The following RAI1 variants were observed in gnomAD, a reference collection of about 807,000 sequenced individuals.
RAI1 encodes the protein retinoic acid-induced protein 1.
RAI1 carries 9 observed loss-of-function variants against 123.8 expected under a neutral mutation model. That is an observed-to-expected ratio of 0.07 (90% CI 0.04 to 0.13). RAI1 has a LOEUF of 0.13. Ranked by LOEUF, RAI1 falls within the 10% of genes least tolerant of loss-of-function variation. The pLI is 1.00. For synonymous variants in RAI1, 1,231 were observed against 1,127.3 expected, an observed-to-expected ratio of 1.09 and a Z score of -1.84; for missense variants, 2,256 against 2,545.8, an observed-to-expected ratio of 0.89 and a Z score of 2.45.
intron 2 of RAI1, among the ~76,000 whole-genome samples, chr17:17,733,477 C>T (rs1916332647): frequency 6.6e-6 from 1 of 152,184 alleles, no homozygotes; most frequent in Non-Finnish European, 1.5e-5. Context: ...TAAGATGATT[C>T]ATTCATTCCA....
rs1914590827 is a variant in RAI1 at position 17,685,289 on chromosome 17, A to C, written c.-149+3496A>C. Among the ~76,000 whole-genome samples the C allele has an allele frequency of 2.0e-5, 3 of 152,354 alleles. 1 individual carries two copies. In the South Asian group the frequency reaches 6.2e-4, roughly 32 times the overall value. On this transcript the variant is annotated intron_variant, in intron 1 of 5. Transcript: ENST00000353383. The surrounding 1 kb of genome is among the most constrained non-coding windows in gnomAD (Gnocchi z 4.0). Reference sequence around the variant, plus strand: ...GATTTTCCAAGGACCCACTGTTTCCAAAGTTCTGTGCTTAATGTCGGGGTC... The same window carrying C: ...GATTTTCCAAGGACCCACTGTTTCCCAAGTTCTGTGCTTAATGTCGGGGTC...
intron 2 of RAI1, among the ~76,000 whole-genome samples, chr17:17,729,054 T>C (rs1186555493): frequency 2.0e-5 from 3 of 152,168 alleles, no homozygotes; most frequent in Non-Finnish European, 4.4e-5. Flanking sequence ...GGAGCAGCCT[T>C]GGGCTGACTC....
At position 17,794,436 on chromosome 17, in the gene RAI1, G is replaced by C. The variant is rs727504116; in HGVS notation, c.1488G>C (p.Pro496=). Residue 496 remains proline, a synonymous_variant, in exon 3 of 6, where the codon CCG becomes CCC. Transcript: ENST00000353383. ...ACTCAGCCGAGCCCGCAGGCACACC[G>C]CTGTCAGAGCCGCCGAGCAGCACGC... The part of the protein sequence containing the change: ...SGYSAEPAGT[P]LSEPPSSTPQ... The C allele has an allele frequency of 6.2e-7, 1 of 1,612,848 alleles. No homozygotes were observed. The highest frequency in any genetic ancestry group is 2.2e-5 in the East Asian group (1 of 44,880).
rs2032211556 is a variant in RAI1, at chr17:17,795,695, C to T, written c.2747C>T (p.Ser916Phe). 6.2e-7 allele frequency: 1 copy of T among 1,613,210 alleles called. No individual in the cohort carries two copies. The highest frequency in any genetic ancestry group is 1.7e-5 in the Admixed American group (1 of 60,002). The change falls in exon 3 of 6, where the codon TCT (serine) becomes TTT (phenylalanine). Residue 916 changes from serine to phenylalanine, a missense_variant. Ser to Phe is a radical substitution (Grantham distance 155). This residue lies in a region of RAI1 where 566 missense variants were observed against 616.0 expected (regional missense o/e 0.92). Coordinates refer to ENST00000353383, the MANE Select transcript of RAI1 (RefSeq NM_030665.4). The surrounding 1 kb of genome is among the most constrained non-coding windows in gnomAD (Gnocchi z 5.9). Reference protein sequence around the residue: ...EVLDSKAGWGSPCHLSGESVI... With the variant: ...EVLDSKAGWGFPCHLSGESVI... ...CTGGACTCCAAGGCCGGCTGGGGCT[C>T]TCCGTGCCACCTCTCAGGGGAGTCC...
At chr17:17,695,807 C>T (rs935064571) in intron 1 of RAI1, among the ~76,000 whole-genome samples, 1 of 152,180 alleles carries the variant, frequency 6.6e-6, no homozygotes, top group Admixed American at 6.5e-5. Context: ...CAGGTGTGAG[C>T]CACTATGCCC....
At chr17:17,807,954 C>A (rs2032627250) in intron 4 of RAI1, among the ~76,000 whole-genome samples, 1 of 152,206 alleles carries the variant, frequency 6.6e-6, no homozygotes, top group Non-Finnish European at 1.5e-5. Flanking sequence ...AGGCCTGCTA[C>A]CACCCAGCCC....
chr17:17,706,065 G>T (rs1323664663), intron 1 of RAI1, among the ~76,000 whole-genome samples: 3 of 142,338 alleles, frequency 2.1e-5, no homozygotes, highest in African/African-American at 7.8e-5. Flanking sequence ...AAAACCAAAC[G>T]CCACTTGACC....
Position 17,714,659 on chromosome 17 carries a change from C to T in RAI1, c.-148-9369C>T, listed in dbSNP as rs940717292. Among the ~76,000 whole-genome samples the T allele has an allele frequency of 6.6e-6, 1 of 152,324 alleles. No individual in the cohort carries two copies. The highest frequency in any genetic ancestry group is 1.9e-4 in the East Asian group (1 of 5,186). On this transcript the variant is annotated intron_variant, in intron 1 of 5. Coordinates refer to ENST00000353383, the MANE Select transcript of RAI1 (RefSeq NM_030665.4). This position sits in a 1 kb window ranked among gnomAD's most constrained non-coding sequence, Gnocchi z 4.9. ...CGGGAAGCAGCTGGGTGCGAGCCTCCTGGCACACATTGTGGGAGTGCTGTG... is the reference window on the plus strand; with the variant it reads ...CGGGAAGCAGCTGGGTGCGAGCCTCTTGGCACACATTGTGGGAGTGCTGTG...
intron 2 of RAI1, among the ~76,000 whole-genome samples, chr17:17,784,820 C>T (rs1401924055): frequency 6.6e-6 from 1 of 152,164 alleles, no homozygotes; most frequent in African/African-American, 2.4e-5. Flanking sequence ...GCTGCAGCAG[C>T]CGGGCCACTT....
intron 2 of RAI1, among the ~76,000 whole-genome samples, chr17:17,769,863 G>C (rs1466320696): frequency 6.6e-6 from 1 of 151,930 alleles, no homozygotes; most frequent in African/African-American, 2.4e-5. Flanking sequence ...AGACTGAAGA[G>C]ATGGGTCGGG....
Position 17,798,429 on chromosome 17 carries a change from C to T in RAI1, c.5481C>T (p.Ala1827=), listed in dbSNP as rs779179345. The T allele has an allele frequency of 3.7e-6, 6 of 1,610,424 alleles. No individual in the cohort carries two copies. The African/African-American group carries it at 6.7e-5, about 18-fold the overall frequency. The change falls in exon 3 of 6, where the codon GCC becomes GCT. Residue 1827 remains alanine, a synonymous_variant. Coordinates refer to ENST00000353383, the MANE Select transcript of RAI1 (RefSeq NM_030665.4). ...GEAQEHWVHE[A]CAVWTGGVYL... Reference sequence around the variant, plus strand: ...CCCAGGAGCACTGGGTGCATGAGGCCTGTGCCGTGTGGACCGGCGGCGTCT... The same window carrying T: ...CCCAGGAGCACTGGGTGCATGAGGCTTGTGCCGTGTGGACCGGCGGCGTCT...
chr17:17,740,805 C>T (rs1187111571), intron 2 of RAI1, among the ~76,000 whole-genome samples: 4 of 152,174 alleles, frequency 2.6e-5, no homozygotes, highest in Non-Finnish European at 4.4e-5. Flanking sequence ...GGACAGATCC[C>T]GTTTTGGTTT....
At chr17:17,783,035 G>A (rs1429625123) in intron 2 of RAI1, among the ~76,000 whole-genome samples, 1 of 152,110 alleles carries the variant, frequency 6.6e-6, no homozygotes, top group Non-Finnish European at 1.5e-5. Context: ...CTTCGAGGGC[G>A]GCTACGGGAG....
intron 1 of RAI1, among the ~76,000 whole-genome samples, chr17:17,715,512 C>T (rs911969721): frequency 1.3e-5 from 2 of 152,230 alleles, no homozygotes; most frequent in Non-Finnish European, 2.9e-5. Context: ...CTGGGTTCCA[C>T]CAGGGCATTC....
chr17:17,761,174 G>C (rs937418650), intron 2 of RAI1, among the ~76,000 whole-genome samples: 3 of 152,002 alleles, frequency 2.0e-5, no homozygotes, highest in Non-Finnish European at 4.4e-5. Context: ...TGAAAGAGGC[G>C]ACCCATATGT....
At chr17:17,711,154 T>TG (rs1915553671) in intron 1 of RAI1, among the ~76,000 whole-genome samples, 1 of 152,150 alleles carries the variant, frequency 6.6e-6, no homozygotes, top group Non-Finnish European at 1.5e-5. Context: ...CCTGAGAGGC[T>TG]GGTGATAGGG....
At position 17,810,007 on chromosome 17, in the gene RAI1, C is replaced by T. The variant is rs752174617; in HGVS notation, c.*26C>T. On this transcript the variant is annotated 3_prime_UTR_variant, in exon 6 of 6. Coordinates refer to ENST00000353383, the MANE Select transcript of RAI1 (RefSeq NM_030665.4). This position sits in a 1 kb window ranked among gnomAD's most constrained non-coding sequence, Gnocchi z 4.6. ...TAATCCACCCCAACGGCCGGAGGAG[C>T]CGCCGGAGCCCGCCTGCCCGCCCGC... is the stretch of plus-strand genomic sequence containing the variant. The T allele has an allele frequency of 1.0e-5, 16 of 1,544,264 alleles. 1 individual carries two copies. The South Asian group carries it at 1.8e-4, about 17-fold the overall frequency.
At chr17:17,808,894 A>G (rs1329721775) in intron 4 of RAI1, among the ~76,000 whole-genome samples, 1 of 152,218 alleles carries the variant, frequency 6.6e-6, no homozygotes, top group Non-Finnish European at 1.5e-5. Context: ...CAGTCCGTCC[A>G]CAGGGGTTCA....
At chr17:17,768,055 T>C (rs2031008343) in intron 2 of RAI1, among the ~76,000 whole-genome samples, 1 of 152,236 alleles carries the variant, frequency 6.6e-6, no homozygotes, top group South Asian at 2.1e-4. Flanking sequence ...ATATAATAAG[T>C]GCTCAGTAAA....
Sources: gnomAD v4.1 joint callset for allele counts (sites outside exome capture counted in the v4.1 genomes callset) on GRCh38, gnomAD v4.1.1 for gene constraint, gnomAD v4.1.1 regional missense constraint, Gnocchi (gnomAD v3.1) non-coding constraint, MANE v1.5 for transcripts, NCBI Gene and HGNC (gene_info 2026-07-23, HGNC 2026-07-21) for gene names.